TAF12: variants seen among roughly 807,000 people sequenced by gnomAD.
TAF12 encodes the protein transcription initiation factor TFIID subunit 12.
A neutral mutation model predicts 20.8 loss-of-function variants in TAF12; 3 were observed. The ratio of observed to expected loss-of-function variants is 0.14; its 90% CI spans 0.07 to 0.37. The LOEUF is 0.37. TAF12 is among the 10% of genes least tolerant of loss of function. The pLI is 1.00. For synonymous variants in TAF12, 69 were observed against 70.2 expected (o/e 0.98, Z 0.09); for missense variants, 131 against 197.9 (o/e 0.66, Z 2.03).
At chr1:28,625,742 C>T (rs977162740) in intron 1 of TAF12, among the ~76,000 whole-genome samples, 1 of 151,900 alleles carries the variant, frequency 6.6e-6, no homozygotes, top group African/African-American at 2.4e-5. Flanking sequence ...GGGGTTTCAC[C>T]GTGTTAGCCA....
chr1:28,607,336 A>C lies in TAF12; in HGVS notation c.362-1876T>G, dbSNP rs535689129. On this transcript the variant is annotated intron_variant, in intron 4 of 5. Transcript: ENST00000373824. The stretch of plus-strand genomic sequence containing the variant: ...TGCTTGAGCCCAGGAGTTCAAGACC[A>C]GTGTAGGCATAATAGTGAGACTGCA... Among the ~76,000 whole-genome samples, 45 of 149,888 alleles carry C rather than the reference A, an allele frequency of 3.0e-4. 1 individual carries two copies. The South Asian group carries it at 9.7e-3, about 32-fold the overall frequency.
intron 1 of TAF12, among the ~76,000 whole-genome samples, chr1:28,625,978 C>T (rs1036418815): frequency 2.1e-4 from 32 of 151,714 alleles, no homozygotes; most frequent in Middle Eastern, 6.9e-3. Flanking sequence ...CCACACTCAG[C>T]CCCGTCTCTT....
At chr1:28,606,910 A>G (rs1666686200) in intron 4 of TAF12, among the ~76,000 whole-genome samples, 1 of 152,234 alleles carries the variant, frequency 6.6e-6, no homozygotes, top group African/African-American at 2.4e-5. Flanking sequence ...CAATGACATA[A>G]GGCATGTGAA....
upstream of TAF12, among the ~76,000 whole-genome samples, chr1:28,646,560 C>T (rs1223655220): frequency 6.6e-6 from 1 of 151,826 alleles, no homozygotes; most frequent in Non-Finnish European, 1.5e-5. Context: ...AGACGGAGTT[C>T]GCTCTTGTTG....
intron 3 of TAF12, among the ~76,000 whole-genome samples, chr1:28,616,673 T>A (rs1667053283): frequency 1.3e-5 from 2 of 148,438 alleles, no homozygotes; most frequent in African/African-American, 2.5e-5. Context: ...GATGCAGAGG[T>A]TGCGGTAAGC....
At chr1:28,620,773 C>T (rs1405768295) in intron 2 of TAF12, among the ~76,000 whole-genome samples, 1 of 152,052 alleles carries the variant, frequency 6.6e-6, no homozygotes, top group African/African-American at 2.4e-5. Context: ...ATGATTATAC[C>T]ATTGCACTCT....
chr1:28,637,674 G>C (rs377452336), intron 1 of TAF12, among the ~76,000 whole-genome samples: 1 of 151,844 alleles, frequency 6.6e-6, no homozygotes, highest in Non-Finnish European at 1.5e-5. Context: ...CCAGAAAAAA[G>C]ATTTTCTTTT....
intron 5 of TAF12, 93 bp from the exon 6 acceptor site, chr1:28,603,667 A>G: frequency 7.5e-7 from 1 of 1,337,608 alleles, no homozygotes; most frequent in East Asian, 2.3e-5. Flanking sequence ...CTCATGGTCT[A>G]CACTGTAGGC....
chr1:28,633,054 G>A (rs1436371124), intron 1 of TAF12, among the ~76,000 whole-genome samples: 1 of 151,484 alleles, frequency 6.6e-6, no homozygotes, highest in Non-Finnish European at 1.5e-5. Context: ...TAGTACAGAC[G>A]GGGTTTCACC....
At chr1:28,639,152 G>A (rs186960405) in intron 1 of TAF12, among the ~76,000 whole-genome samples, 95 of 151,196 alleles carry the variant, frequency 6.3e-4, no homozygotes, top group African/African-American at 2.2e-3. Context: ...TCGGCTCACT[G>A]CAACTTCCAC....
At chr1:28,632,408 C>T (rs1444016200) in intron 1 of TAF12, among the ~76,000 whole-genome samples, 3 of 152,108 alleles carry the variant, frequency 2.0e-5, no homozygotes, top group African/African-American at 4.8e-5. Context: ...TGCATCTACT[C>T]GGGAGGCTGA....
chr1:28,636,477 A>C (rs1230048408), intron 1 of TAF12, among the ~76,000 whole-genome samples: 1 of 151,992 alleles, frequency 6.6e-6, no homozygotes, highest in Non-Finnish European at 1.5e-5. Context: ...CAATTTTCTC[A>C]TCTGAAAAAA....
At chr1:28,635,463 A>C (rs921402986) in intron 1 of TAF12, among the ~76,000 whole-genome samples, 1 of 149,804 alleles carries the variant, frequency 6.7e-6, no homozygotes, top group African/African-American at 2.4e-5. Flanking sequence ...CTGCCACCAC[A>C]CCCGGCTAAT....
chr1:28,608,616 G>A (rs542313727), intron 4 of TAF12, among the ~76,000 whole-genome samples: 2 of 151,906 alleles, frequency 1.3e-5, no homozygotes, highest in Admixed American at 1.3e-4. Flanking sequence ...TTAGCCAGGC[G>A]TGGTGGCGTG....
At chr1:28,642,803 G>C in intron 1 of TAF12, 189 bp downstream of exon 1, 1 of 985,572 alleles carries the variant, frequency 1.0e-6, no homozygotes, top group Non-Finnish European at 1.2e-6. Flanking sequence ...TCCCGTCTTA[G>C]AGCCCGGGTC....
At chr1:28,629,481 G>A (rs894172065) in intron 1 of TAF12, among the ~76,000 whole-genome samples, 1 of 152,058 alleles carries the variant, frequency 6.6e-6, no homozygotes, top group Non-Finnish European at 1.5e-5. Flanking sequence ...TTACAGGCAC[G>A]TACTACCACG....
intron 3 of TAF12, among the ~76,000 whole-genome samples, chr1:28,617,748 G>C (rs1399450112): frequency 2.0e-5 from 3 of 151,870 alleles, no homozygotes; most frequent in Non-Finnish European, 2.9e-5. Context: ...ACCACACCTG[G>C]CACTCAGCTA....
intron 1 of TAF12, among the ~76,000 whole-genome samples, chr1:28,633,285 G>T (rs1437535518): frequency 6.7e-6 from 1 of 150,182 alleles, no homozygotes; most frequent in African/African-American, 2.5e-5. Context: ...TACTGCCTCA[G>T]CCTCCAGAGT....
chr1:28,627,978 C>G (rs772968485), intron 1 of TAF12, among the ~76,000 whole-genome samples: 34 of 151,900 alleles, frequency 2.2e-4, no homozygotes, highest in Admixed American at 7.9e-4. Flanking sequence ...GGTGGTAATA[C>G]ATAGGCTTAT....
Sources: allele counts gnomAD v4.1 joint callset (sites outside exome capture counted in the v4.1 genomes callset), GRCh38; gene constraint gnomAD v4.1.1; transcripts MANE v1.5; gene names NCBI Gene and HGNC (gene_info 2026-07-23, HGNC 2026-07-21).